Variants in NWD2 observed in about 807,000 individuals in gnomAD.
NWD2 encodes the protein NACHT and WD repeat domain-containing protein 2.
A neutral mutation model predicts 132.7 loss-of-function variants in NWD2; 37 were observed. That is an observed-to-expected ratio of 0.28 (90% CI 0.21 to 0.37). The LOEUF is 0.37. NWD2 is among the 10% of genes least tolerant of loss of function. The probability of loss-of-function intolerance (pLI) is 1.00; values close to 1 mark genes in which losing one functional copy is unlikely to be tolerated. For missense variants in NWD2, 1,592 were observed against 2,122.4 expected (o/e 0.75, Z 4.91); for synonymous variants, 705 against 803.0 (o/e 0.88, Z 2.06).
At chr4:37,357,506 G>A (rs1253795200) in intron 3 of NWD2, among the ~76,000 whole-genome samples, 1 of 152,262 alleles carries the variant, frequency 6.6e-6, no homozygotes, top group East Asian at 1.9e-4. Flanking sequence ...TAGATAAGTT[G>A]ATTACTCACT....
rs946786631 is a variant in NWD2, at chr4:37,306,258, G to A, written c.152-19678G>A. On this transcript the variant is annotated intron_variant, in intron 1 of 6. Coordinates refer to ENST00000309447, the MANE Select transcript of NWD2 (RefSeq NM_001144990.2). Reference sequence around the variant, plus strand: ...GTACAGCTAATGGTTTCTCAGTATCGTTTATCTTTTCCAAAAACCAACTTT... The same window carrying A: ...GTACAGCTAATGGTTTCTCAGTATCATTTATCTTTTCCAAAAACCAACTTT... 7.9e-5 allele frequency among the ~76,000 whole-genome samples: 12 copies of A among 151,830 alleles called. 1 individual carries two copies. Among genetic ancestry groups the A allele is most frequent in the Admixed American group, 3.3e-4 (5 of 15,242 alleles).
chr4:37,338,911 A>G (rs1407066053), intron 2 of NWD2, among the ~76,000 whole-genome samples: 4 of 152,182 alleles, frequency 2.6e-5, no homozygotes, highest in Non-Finnish European at 5.9e-5. Context: ...ACTGGCTTTT[A>G]TAGTTGACAG....
chr4:37,310,008 C>T (rs1006844892), intron 1 of NWD2, among the ~76,000 whole-genome samples: 2 of 152,206 alleles, frequency 1.3e-5, no homozygotes, highest in African/African-American at 4.8e-5. Context: ...CACTGCCACA[C>T]TGAAGATACA....
intron 3 of NWD2, among the ~76,000 whole-genome samples, chr4:37,422,812 C>T (rs1298593446): frequency 6.6e-6 from 1 of 152,146 alleles, no homozygotes; most frequent in African/African-American, 2.4e-5. Flanking sequence ...CTGCTTACAT[C>T]ACTCCTAATG....
chr4:37,332,779 G>T (rs372868925), intron 2 of NWD2, among the ~76,000 whole-genome samples: 1 of 152,134 alleles, frequency 6.6e-6, no homozygotes, highest in Non-Finnish European at 1.5e-5. Context: ...AGCACCAAGC[G>T]GGCTCTTGGG....
intron 5 of NWD2, among the ~76,000 whole-genome samples, chr4:37,434,376 G>A (rs1386967538): frequency 6.6e-6 from 1 of 152,140 alleles, no homozygotes; most frequent in Non-Finnish European, 1.5e-5. Flanking sequence ...AAGCACTGGG[G>A]AGACAACACT....
chr4:37,287,040 A>C (rs116746462), intron 1 of NWD2, among the ~76,000 whole-genome samples: 1 of 152,158 alleles, frequency 6.6e-6, no homozygotes, highest in Non-Finnish European at 1.5e-5. Flanking sequence ...GCAATGTGGT[A>C]CTGTGGCCCA....
chr4:37,379,627 C>A (rs1214524922), intron 3 of NWD2, among the ~76,000 whole-genome samples: 1 of 152,150 alleles, frequency 6.6e-6, no homozygotes, highest in Admixed American at 6.5e-5. Context: ...CTAACCCAGA[C>A]CGTACATGAG....
chr4:37,391,426 G>A lies in NWD2; in HGVS notation c.357+34944G>A, dbSNP rs117706144. On this transcript the variant is annotated intron_variant, in intron 3 of 6. Transcript: ENST00000309447. ...TGGAGGAAGGAGTGGGTGTATTTTG[G>A]TCAGCGGAAGCTTCCAAAAGATGCT... Among the ~76,000 whole-genome samples the A allele has an allele frequency of 3.6e-3, 554 of 152,286 alleles. 7 individuals carry two copies. In the East Asian group the frequency reaches 0.041, roughly 11 times the overall value.
chr4:37,250,425 A>C (rs1019485766), intron 1 of NWD2, among the ~76,000 whole-genome samples: 5 of 152,192 alleles, frequency 3.3e-5, no homozygotes, highest in African/African-American at 1.2e-4. Context: ...TCCACAATTT[A>C]ATGCTGTGAT....
In NWD2 at chr4:37,348,679, C is replaced by T. The variant is rs200407376; in HGVS notation, c.241-7687C>T. Among the ~76,000 whole-genome samples, 422 of 102,780 alleles carry T rather than the reference C, an allele frequency of 4.1e-3. 1 individual carries two copies. The highest frequency in any genetic ancestry group is 0.02 in the East Asian group (55 of 2,694). The allele number at this position is 102,780 out of a possible 152,430, so 67.4% of individuals were successfully genotyped here. Reference sequence around the variant, plus strand: ...ATATATATATATATATATATATACACACACACACACACACACACACACACT... The same window carrying T: ...ATATATATATATATATATATATACATACACACACACACACACACACACACT... On this transcript the variant is annotated intron_variant, in intron 2 of 6. Coordinates refer to ENST00000309447, the MANE Select transcript of NWD2 (RefSeq NM_001144990.2).
At chr4:37,326,764 A>G (rs1430475334) in intron 2 of NWD2, among the ~76,000 whole-genome samples, 1 of 152,234 alleles carries the variant, frequency 6.6e-6, no homozygotes, top group East Asian at 1.9e-4. Context: ...TATCTAAACT[A>G]CACATTTACA....
chr4:37,418,554 C>T (rs1560250520), intron 3 of NWD2, among the ~76,000 whole-genome samples: 1 of 151,720 alleles, frequency 6.6e-6, no homozygotes, highest in Non-Finnish European at 1.5e-5. Flanking sequence ...AGGTCAGTGT[C>T]AACACTCATA....
At chr4:37,348,664 A>ATG (rs1400369572) in intron 2 of NWD2, among the ~76,000 whole-genome samples, 37 of 85,168 alleles carry the variant, frequency 4.3e-4, no homozygotes, top group South Asian at 1.2e-3. Context: ...ATATATATAT[A>ATG]TATATATATA....
chr4:37,328,837 T>C (rs558090382), intron 2 of NWD2, among the ~76,000 whole-genome samples: 2 of 152,294 alleles, frequency 1.3e-5, no homozygotes, highest in African/African-American at 4.8e-5. Flanking sequence ...GTTCTTTGCA[T>C]AGTGTGTGCC....
chr4:37,371,415 T>C (rs959759940), intron 3 of NWD2, among the ~76,000 whole-genome samples: 5 of 152,226 alleles, frequency 3.3e-5, no homozygotes, highest in African/African-American at 9.6e-5. Context: ...ATCTTTCTTA[T>C]TAATCATAAC....
At chr4:37,437,270 T>G (rs912778941) in intron 5 of NWD2, among the ~76,000 whole-genome samples, 10 of 152,174 alleles carry the variant, frequency 6.6e-5, no homozygotes, top group Non-Finnish European at 1.0e-4. Flanking sequence ...CTGTGGCTGA[T>G]GAGGGCCAAC....
chr4:37,377,427 A>G (rs1017242651), intron 3 of NWD2, among the ~76,000 whole-genome samples: 1 of 152,176 alleles, frequency 6.6e-6, no homozygotes, highest in Middle Eastern at 3.2e-3. Context: ...CTGTCAGACC[A>G]AAGTTGTTAT....
intron 3 of NWD2, among the ~76,000 whole-genome samples, chr4:37,420,329 T>C (rs1408037171): frequency 6.6e-6 from 1 of 152,202 alleles, no homozygotes. Context: ...CTCCACCCTC[T>C]TTCCACTCTG....
Sources: gnomAD v4.1 joint callset for allele counts (sites outside exome capture counted in the v4.1 genomes callset) on GRCh38, gnomAD v4.1.1 for gene constraint, MANE v1.5 for transcripts, NCBI Gene and HGNC (gene_info 2026-07-23, HGNC 2026-07-21) for gene names.